The following DHTKD1 variants were observed in gnomAD, a reference collection of about 807,000 sequenced individuals.
DHTKD1 encodes 2-oxoadipate dehydrogenase complex component E1.
In DHTKD1, 78 loss-of-function variants were observed where a neutral mutation model predicts 101.8. The observed-to-expected ratio is 0.77, with a 90% CI of 0.64 to 0.93. The LOEUF (loss-of-function observed/expected upper bound fraction) is 0.93, where lower values mean the gene tolerates loss of function less well. DHTKD1 is among the 40% of genes least tolerant of loss of function. The pLI is 0.00. For missense variants in DHTKD1, 1,223 were observed against 1,161.7 expected (o/e 1.05, Z -0.77); for synonymous variants, 462 against 450.3 (o/e 1.03, Z -0.33).
rs138708022 is a variant in DHTKD1 at position 12,122,429 on chromosome 10, A to G, written c.*1541A>G. 3,560 of 152,206 alleles carry G rather than the reference A, an allele frequency of 0.023. 82 individuals are homozygous for G. Among genetic ancestry groups the G allele is most frequent in the Non-Finnish European group, 0.033 (2,212 of 68,038 alleles). The allele number at this position is 152,206 out of a possible 1,614,324, so 9.4% of individuals were successfully genotyped here. ...GTTGGGAGTTCGAGACCAGCCTGAC[A>G]AAACATAGTGAAACCCCGTCTCTAC... On this transcript the variant is annotated 3_prime_UTR_variant, in exon 17 of 17. Transcript: ENST00000263035.
chr10:12,101,643 G>T (rs967592124), intron 10 of DHTKD1, among the ~76,000 whole-genome samples: 10 of 151,942 alleles, frequency 6.6e-5, no homozygotes, highest in African/African-American at 2.2e-4. Flanking sequence ...TTGCTCTGTT[G>T]CCCAGGCTGG....
In DHTKD1 at chr10:12,117,683, C is replaced by T. The variant is rs1403186509; in HGVS notation, c.2330C>T (p.Ser777Leu). 1 of 1,600,440 alleles carries T rather than the reference C, an allele frequency of 6.2e-7. No homozygotes were observed. Among genetic ancestry groups the T allele is most frequent in the Non-Finnish European group, 8.5e-7 (1 of 1,171,474 alleles). ...TCTTCTCCCTCGTAGGCAGCCGTGT[C>T]AACTCTTCAAGAAATGGCACCAGGA... is the stretch of plus-strand genomic sequence containing the variant. ...KMLLRLPAAV[S>L]TLQEMAPGTT... Residue 777 changes from serine to leucine, a missense_variant, in exon 14 of 17, where the codon TCA becomes TTA. Coordinates refer to ENST00000263035, the MANE Select transcript of DHTKD1 (RefSeq NM_018706.7).
chr10:12,112,754 C>T, intron 12 of DHTKD1, 146 bp from the exon 13 acceptor site: 1 of 744,842 alleles, frequency 1.3e-6, no homozygotes, highest in South Asian at 2.3e-5. Flanking sequence ...CATAAATTCA[C>T]CTGCTGATAT....
At chr10:12,076,779 C>T (rs528042478) in intron 1 of DHTKD1, among the ~76,000 whole-genome samples, 1 of 151,964 alleles carries the variant, frequency 6.6e-6, no homozygotes, top group East Asian at 2.0e-4. Flanking sequence ...CTACCTCAGC[C>T]TCCCGAGTAG....
rs1832609630 is a variant in DHTKD1, at chr10:12,069,098, G to A, written c.65G>A (p.Arg22His). ...GGCCGGGCTCTCCCTCTCTTCTGGC[G>A]TGGCTACCAGACCGAGCGGGGCGTT... ...GLGRALPLFW[R>H]GYQTERGVYG... is the part of the protein sequence containing the mutation. Residue 22 changes from arginine (R) to histidine (H), a missense_variant, in exon 1 of 17, where the codon CGT (arginine) becomes CAT (histidine). Arg to His is a conservative substitution (Grantham distance 29). Coordinates refer to ENST00000263035, the MANE Select transcript of DHTKD1 (RefSeq NM_018706.7). 2.5e-6 allele frequency: 4 copies of A among 1,611,938 alleles called. No individual in the cohort carries two copies. Among genetic ancestry groups the A allele is most frequent in the South Asian group, 1.1e-5 (1 of 90,924 alleles).
chr10:12,080,923 C>A (rs1382629656), intron 1 of DHTKD1, among the ~76,000 whole-genome samples: 1 of 151,516 alleles, frequency 6.6e-6, no homozygotes, highest in African/African-American at 2.4e-5. Flanking sequence ...AAAAATTAGC[C>A]AGATGTGGTG....
Position 12,121,219 on chromosome 10 carries a change from C to CAAA in DHTKD1, c.*348_*350dup, listed in dbSNP as rs34911594. ...TGGGTGACAGAGCAAGACTGCGTTTCAAAAAAAAAAAAAAAAAAACCCATT... is the reference window on the plus strand; with the variant it reads ...TGGGTGACAGAGCAAGACTGCGTTTCAAAAAAAAAAAAAAAAAAAAAACCCATT... On this transcript the variant is annotated 3_prime_UTR_variant, in exon 17 of 17. Coordinates refer to ENST00000263035, the MANE Select transcript of DHTKD1 (RefSeq NM_018706.7). The CAAA allele has an allele frequency of 2.8e-3, 331 of 119,358 alleles. 3 individuals carry two copies. The highest frequency in any genetic ancestry group is 5.3e-3 in the South Asian group (21 of 3,984). The allele number at this position is 119,358 out of a possible 1,614,324, so 7.4% of individuals were successfully genotyped here. A position where few individuals can be genotyped will look rare whatever the true frequency, so the allele number is the denominator to read the frequency against.
chr10:12,096,881 G>C (rs1187845349), intron 7 of DHTKD1, among the ~76,000 whole-genome samples: 1 of 152,118 alleles, frequency 6.6e-6, no homozygotes, highest in African/African-American at 2.4e-5. Context: ...TTAGATAAAG[G>C]GGGGTGCTGA....
rs1832871995 is a variant in DHTKD1 at position 12,084,645 on chromosome 10, G to A, written c.416G>A (p.Ser139Asn). The change falls in exon 3 of 17, where the codon AGC (serine) becomes AAC (asparagine). Residue 139 changes from serine (S) to asparagine (N), a missense_variant. Coordinates refer to ENST00000263035, the MANE Select transcript of DHTKD1 (RefSeq NM_018706.7). ...QISIETSQLQ[S>N]QDEKDWFAKR... Reference sequence around the variant, plus strand: ...TCTATTGAAACCTCCCAACTTCAGAGCCAGGATGAGAAAGACTGGTTTGCC... The same window carrying A: ...TCTATTGAAACCTCCCAACTTCAGAACCAGGATGAGAAAGACTGGTTTGCC... The A allele has an allele frequency of 1.2e-6, 2 of 1,614,012 alleles. No individual in the cohort carries two copies. Among genetic ancestry groups the A allele is most frequent in the African/African-American group, 2.7e-5 (2 of 74,930 alleles).
chr10:12,118,713 T>G (rs1337192454), intron 14 of DHTKD1, 36 bp from the exon 15 acceptor site: 3 of 1,439,590 alleles, frequency 2.1e-6, no homozygotes, highest in African/African-American at 2.9e-5. Context: ...TTAAAAAATT[T>G]CTCCCCCACC....
chr10:12,098,711 T>C (rs903503882), intron 8 of DHTKD1, among the ~76,000 whole-genome samples: 1 of 152,106 alleles, frequency 6.6e-6, no homozygotes, highest in African/African-American at 2.4e-5. Context: ...ATTACAGGCA[T>C]GTGCCACCAT....
intron 13 of DHTKD1, 133 bp from the exon 14 acceptor site, chr10:12,117,540 G>A (rs368737799): frequency 8.4e-5 from 56 of 666,788 alleles, no homozygotes; most frequent in African/African-American, 2.0e-4. Context: ...AAGGCATTGC[G>A]TCTATTAGGA....
At chr10:12,083,157 C>CAA (rs59049794) in intron 2 of DHTKD1, among the ~76,000 whole-genome samples, 13 of 131,178 alleles carry the variant, frequency 9.9e-5, no homozygotes, top group South Asian at 2.5e-4. Flanking sequence ...GACTCCGTCT[C>CAA]AAAAAAAAAA....
chr10:12,098,135 AGTGTTG>A, intron 8 of DHTKD1, 139 bp downstream of exon 8: 1 of 794,260 alleles, frequency 1.3e-6, no homozygotes, highest in African/African-American at 1.7e-5. Flanking sequence ...AACTGATCCT[AGTGTTG>A]TTTTGGTACT....
chr10:12,120,626 G>C (rs1313945923), intron 16 of DHTKD1, among the ~76,000 whole-genome samples, 161 bp from the exon 17 acceptor site: 1 of 152,020 alleles, frequency 6.6e-6, no homozygotes, highest in Non-Finnish European at 1.5e-5. Context: ...ATTGAGGCAC[G>C]GAGCCCTGTC....
At chr10:12,117,594 G>A (rs1329059497) in intron 13 of DHTKD1, 79 bp from the exon 14 acceptor site, 12 of 859,054 alleles carry the variant, frequency 1.4e-5, no homozygotes, top group Admixed American at 1.9e-5. Flanking sequence ...TGGTACTCGT[G>A]TTTGATAGCG....
intron 3 of DHTKD1, among the ~76,000 whole-genome samples, chr10:12,085,631 C>A (rs1397190577): frequency 5.9e-5 from 9 of 152,092 alleles, no homozygotes. Context: ...GTCATCCCAG[C>A]CCTTTGGGAG....
intron 7 of DHTKD1, among the ~76,000 whole-genome samples, chr10:12,095,924 G>T (rs986304793): frequency 1.3e-5 from 2 of 151,954 alleles, no homozygotes; most frequent in East Asian, 1.9e-4. Context: ...CAACAGAATC[G>T]CTTGAACTGG....
chr10:12,101,028 CT>C lies in DHTKD1; in HGVS notation c.1757-12del, dbSNP rs1462571656. On this transcript the variant is annotated splice_polypyrimidine_tract_variant and intron_variant, in intron 9 of 16. Coordinates refer to ENST00000263035, the MANE Select transcript of DHTKD1 (RefSeq NM_018706.7). The stretch of plus-strand genomic sequence containing the variant: ...TTTATGGGAATCTGACTTTTTTTTT[CT>C]TGCTTGCTTAAGGTTTTAATGTTCG... 6.3e-7 allele frequency: 1 copy of C among 1,598,320 alleles called. No individual in the cohort carries two copies. The highest frequency in any genetic ancestry group is 8.5e-7 in the Non-Finnish European group (1 of 1,175,224).
Sources: allele counts gnomAD v4.1 joint callset (sites outside exome capture counted in the v4.1 genomes callset), GRCh38; gene constraint gnomAD v4.1.1; transcripts MANE v1.5; gene names NCBI Gene and HGNC (gene_info 2026-07-23, HGNC 2026-07-21).